KCNIP1: variants seen among roughly 807,000 people sequenced by gnomAD.
KCNIP1 encodes A-type potassium channel modulatory protein KCNIP1.
In KCNIP1, 18 loss-of-function variants were observed where a neutral mutation model predicts 33.0. That is an observed-to-expected ratio of 0.55 (90% CI 0.38 to 0.81). The LOEUF (loss-of-function observed/expected upper bound fraction) is 0.81, where lower values mean the gene tolerates loss of function less well. Ranked by LOEUF, KCNIP1 falls within the 30% of genes least tolerant of loss-of-function variation. The pLI, the probability that KCNIP1 is intolerant of heterozygous loss-of-function variation, is 0.00. For synonymous variants in KCNIP1, 93 were observed against 98.3 expected, an observed-to-expected ratio of 0.95 and a Z score of 0.32; for missense variants, 238 against 271.6, an observed-to-expected ratio of 0.88 and a Z score of 0.87.
At chr5:170,699,845 A>G (rs1315565698) in intron 1 of KCNIP1, among the ~76,000 whole-genome samples, 1 of 152,198 alleles carries the variant, frequency 6.6e-6, no homozygotes, top group Non-Finnish European at 1.5e-5. Flanking sequence ...TGAGTCAGCA[A>G]GGAGAGGAAG....
intron 1 of KCNIP1, among the ~76,000 whole-genome samples, chr5:170,417,785 C>T (rs977651475): frequency 6.6e-6 from 1 of 152,208 alleles, no homozygotes; most frequent in Admixed American, 6.5e-5. Context: ...TGTTGAGAAT[C>T]CAACGAATAC....
In KCNIP1 at chr5:170,464,348, CA is replaced by C. The variant is rs563613175; in HGVS notation, c.88+110388del. ...TTTACAGATTTAATGCAACCCGTGT[CA>C]AAATCCCATGGCCATTTTTGCAGAA... On this transcript the variant is annotated intron_variant, in intron 1 of 7. Transcript: ENST00000377360. Among the ~76,000 whole-genome samples the C allele has an allele frequency of 2.6e-4, 40 of 152,312 alleles. No homozygotes were observed. In the South Asian group the frequency reaches 7.5e-3, roughly 28 times the overall value.
intron 1 of KCNIP1, chr5:170,483,060 A>T (rs773547342): frequency 2.2e-5 from 10 of 454,820 alleles, no homozygotes; most frequent in South Asian, 1.6e-4. Context: ...CCAAGGACAG[A>T]TGGAGTCAAA....
chr5:170,663,930 C>A (rs904427140), intron 1 of KCNIP1, among the ~76,000 whole-genome samples: 3 of 151,448 alleles, frequency 2.0e-5, no homozygotes, highest in Admixed American at 6.6e-5. Context: ...TCTCCTCAAT[C>A]CTATCTGCAC....
chr5:170,570,356 GAGA>G (rs1413693318), intron 1 of KCNIP1, among the ~76,000 whole-genome samples: 1 of 152,156 alleles, frequency 6.6e-6, no homozygotes, highest in Non-Finnish European at 1.5e-5. Flanking sequence ...AAGCACCTGG[GAGA>G]AGGAGAAGCT....
At chr5:170,564,406 A>G (rs1380441853) in intron 1 of KCNIP1, among the ~76,000 whole-genome samples, 1 of 152,158 alleles carries the variant, frequency 6.6e-6, no homozygotes. Context: ...CTTTCCTATG[A>G]CACGTCTTTT....
chr5:170,676,628 C>T (rs1762155361), intron 1 of KCNIP1, among the ~76,000 whole-genome samples: 1 of 152,136 alleles, frequency 6.6e-6, no homozygotes, highest in Non-Finnish European at 1.5e-5. Flanking sequence ...TTAGACAGTA[C>T]CTTACCAGGA....
At chr5:170,451,771 T>TGTGTGTGTGTGTGTGTGTG (rs1554093584) in intron 1 of KCNIP1, among the ~76,000 whole-genome samples, 4 of 50,402 alleles carry the variant, frequency 7.9e-5, no homozygotes, top group Admixed American at 3.1e-4. Flanking sequence ...GTGTGTGTGT[T>TGTGTGTGTGTGTGTGTGTG]TGCAGGGGGA....
intron 1 of KCNIP1, among the ~76,000 whole-genome samples, chr5:170,608,003 CA>C (rs1758996854): frequency 6.6e-6 from 1 of 152,140 alleles, no homozygotes; most frequent in African/African-American, 2.4e-5. Flanking sequence ...GGGTTTAAAA[CA>C]ATAGACATTT....
chr5:170,372,688 T>C (rs1247276778), intron 1 of KCNIP1, among the ~76,000 whole-genome samples: 1 of 152,206 alleles, frequency 6.6e-6, no homozygotes, highest in Non-Finnish European at 1.5e-5. Context: ...GGAGAAGCAC[T>C]AGATGATCTC....
intron 1 of KCNIP1, among the ~76,000 whole-genome samples, chr5:170,414,999 A>G (rs1251855838): frequency 6.6e-6 from 1 of 152,156 alleles, no homozygotes; most frequent in Non-Finnish European, 1.5e-5. Flanking sequence ...TGTTGAATGA[A>G]TTTTCAATGA....
chr5:170,469,219 A>C (rs1242656236), intron 1 of KCNIP1, among the ~76,000 whole-genome samples: 2 of 152,032 alleles, frequency 1.3e-5, no homozygotes, highest in Non-Finnish European at 2.9e-5. Flanking sequence ...ACATAGTGAG[A>C]CCCGATCTGC....
intron 1 of KCNIP1, among the ~76,000 whole-genome samples, chr5:170,598,914 T>TGC (rs1581380692): frequency 6.7e-6 from 1 of 149,680 alleles, no homozygotes; most frequent in East Asian, 2.0e-4. Context: ...CGTGTGTGTG[T>TGC]GTGTGTGTGT....
chr5:170,386,518 C>T (rs1239134140), intron 1 of KCNIP1, among the ~76,000 whole-genome samples: 1 of 152,180 alleles, frequency 6.6e-6, no homozygotes, highest in African/African-American at 2.4e-5. Context: ...ATCATCCATG[C>T]ACCTCCTTCC....
rs113042718 is a variant in KCNIP1 at position 170,354,019 on chromosome 5, G to A, written c.88+55G>A. On this transcript the variant is annotated intron_variant, in intron 1 of 7. Coordinates refer to the KCNIP1 transcript ENST00000377360. ...CTGTCTTGATATGGCCTGGCTGGTC[G>A]CATTGCCTCGGTGTGGTGAGCGTGA... is the stretch of plus-strand genomic sequence containing the variant. The A allele has an allele frequency of 1.6e-3, 2,462 of 1,493,214 alleles. 38 individuals are homozygous for A. The African/African-American group carries it at 0.029, about 18-fold the overall frequency. 92.5% of individuals were successfully genotyped at this position (1,493,214 alleles called of 1,614,324 possible). A position where few individuals can be genotyped will look rare whatever the true frequency, so the allele number is the denominator to read the frequency against.
At chr5:170,548,295 A>G (rs928114746) in intron 1 of KCNIP1, among the ~76,000 whole-genome samples, 1 of 152,180 alleles carries the variant, frequency 6.6e-6, no homozygotes, top group Non-Finnish European at 1.5e-5. Context: ...CTAATATCGG[A>G]AGCTTTAATA....
chr5:170,645,824 G>T (rs1760761342), intron 1 of KCNIP1, among the ~76,000 whole-genome samples: 1 of 151,920 alleles, frequency 6.6e-6, no homozygotes, highest in African/African-American at 2.4e-5. Context: ...GAGATAGCAA[G>T]AAAATCCCAA....
chr5:170,583,698 A>C (rs1054190726), intron 1 of KCNIP1, among the ~76,000 whole-genome samples: 2 of 152,170 alleles, frequency 1.3e-5, no homozygotes, highest in African/African-American at 4.8e-5. Flanking sequence ...TTCCTGTTAG[A>C]TCACCCACCC....
At chr5:170,446,220 C>T (rs1456967540) in intron 1 of KCNIP1, among the ~76,000 whole-genome samples, 1 of 152,142 alleles carries the variant, frequency 6.6e-6, no homozygotes, top group Non-Finnish European at 1.5e-5. Context: ...TGTGGTGAGA[C>T]TTGGAAAACT....
Sources: gnomAD v4.1 joint callset for allele counts (sites outside exome capture counted in the v4.1 genomes callset) on GRCh38, gnomAD v4.1.1 for gene constraint, MANE v1.5 for transcripts, NCBI Gene and HGNC (gene_info 2026-07-23, HGNC 2026-07-21) for gene names.